KCNT2: variants seen among roughly 807,000 people sequenced by gnomAD.
The protein encoded by KCNT2 is potassium channel subfamily T member 2.
In KCNT2, 67 loss-of-function variants were observed where a neutral mutation model predicts 153.8. The observed-to-expected ratio is 0.44, with a 90% CI of 0.36 to 0.53. The LOEUF (loss-of-function observed/expected upper bound fraction) is 0.53, where lower values mean the gene tolerates loss of function less well. Ranked by LOEUF, KCNT2 falls within the 20% of genes least tolerant of loss-of-function variation. The pLI is 0.00. For synonymous variants in KCNT2, 500 were observed against 458.8 expected (o/e 1.09, Z -1.15); for missense variants, 975 against 1,354.8 (o/e 0.72, Z 4.40).
At chr1:196,449,198 T>C (rs1415348588) in intron 8 of KCNT2, among the ~76,000 whole-genome samples, 1 of 151,734 alleles carries the variant, frequency 6.6e-6, no homozygotes, top group Non-Finnish European at 1.5e-5. Context: ...AAGCAGAGAA[T>C]TGAAAGTGGT....
intron 1 of KCNT2, among the ~76,000 whole-genome samples, chr1:196,569,889 C>T (rs866402425): frequency 5.9e-5 from 9 of 151,956 alleles, no homozygotes; most frequent in South Asian, 2.1e-4. Context: ...TAAAGGCATG[C>T]TTTTGTTTTG....
intron 25 of KCNT2, among the ~76,000 whole-genome samples, chr1:196,268,306 T>C (rs1405832351): frequency 6.6e-6 from 1 of 152,178 alleles, no homozygotes; most frequent in Non-Finnish European, 1.5e-5. Context: ...CACATACATA[T>C]ACACCTACAC....
At chr1:196,306,075 T>C (rs1213493413) in intron 21 of KCNT2, among the ~76,000 whole-genome samples, 1 of 152,068 alleles carries the variant, frequency 6.6e-6, no homozygotes, top group Non-Finnish European at 1.5e-5. Flanking sequence ...ATAAATACTT[T>C]TTATTTTTGC....
chr1:196,476,001 A>G (rs1678499622), intron 5 of KCNT2, among the ~76,000 whole-genome samples: 1 of 152,204 alleles, frequency 6.6e-6, no homozygotes, highest in Non-Finnish European at 1.5e-5. Context: ...TATAAATTAT[A>G]AGCAATAATT....
At chr1:196,563,703 T>C (rs1174934523) in intron 1 of KCNT2, among the ~76,000 whole-genome samples, 5 of 151,928 alleles carry the variant, frequency 3.3e-5, no homozygotes, top group Non-Finnish European at 1.5e-5. Flanking sequence ...ACGCAACAAT[T>C]ATTCAACATA....
intron 27 of KCNT2, among the ~76,000 whole-genome samples, chr1:196,231,516 A>C (rs543319006): frequency 5.3e-5 from 8 of 152,010 alleles, no homozygotes; most frequent in African/African-American, 1.9e-4. Context: ...TGGAAGAAAA[A>C]AAAAGAAATT....
chr1:196,268,375 A>G (rs1657742250), intron 25 of KCNT2, among the ~76,000 whole-genome samples: 1 of 152,182 alleles, frequency 6.6e-6, no homozygotes, highest in Non-Finnish European at 1.5e-5. Flanking sequence ...TATATTCCAG[A>G]CATCATTGAA....
chr1:196,456,742 C>T (rs1676705690), intron 8 of KCNT2, among the ~76,000 whole-genome samples: 1 of 151,938 alleles, frequency 6.6e-6, no homozygotes, highest in Non-Finnish European at 1.5e-5. Context: ...AGATCAGGTA[C>T]TAACCAAGTT....
rs375768600 is a variant in KCNT2 at position 196,258,486 on chromosome 1, T to C, written c.2919A>G (p.Ile973Met). 1.5e-5 allele frequency: 23 copies of C among 1,554,730 alleles called. No individual in the cohort carries two copies. The African/African-American group carries it at 2.5e-4, about 17-fold the overall frequency. The stretch of plus-strand genomic sequence containing the variant: ...CTTCCCACTCTTCTACACTGATAGA[T>C]ATTTGAGACTTTAAAGGAAATAGAT... ...SQKLTTSESQ[I>M]SISVEEWEDT... Residue 973 changes from isoleucine to methionine, a missense_variant, in exon 26 of 28, where the codon ATA (isoleucine) becomes ATG (methionine). Physicochemically the swap from Ile to Met is conservative, Grantham distance 10. Around this residue, in one of 6 missense-constraint regions of KCNT2, gnomAD observed 241 missense variants for 271.1 expected, o/e 0.89. Transcript: ENST00000294725.
intron 25 of KCNT2, among the ~76,000 whole-genome samples, chr1:196,264,957 A>T (rs947382627): frequency 1.3e-5 from 2 of 152,150 alleles, no homozygotes; most frequent in African/African-American, 4.8e-5. Context: ...TCGTGATGAA[A>T]GCCAAGCCAG....
chr1:196,401,311 T>A (rs1340707715), intron 12 of KCNT2, among the ~76,000 whole-genome samples: 1 of 151,758 alleles, frequency 6.6e-6, no homozygotes, highest in Non-Finnish European at 1.5e-5. Context: ...TATTATTCAA[T>A]TTATGAATTT....
At chr1:196,305,018 A>C (rs573994009) in intron 22 of KCNT2, among the ~76,000 whole-genome samples, 1 of 152,324 alleles carries the variant, frequency 6.6e-6, no homozygotes, top group African/African-American at 2.4e-5. Flanking sequence ...ATAATAGAAC[A>C]AAATATCTCC....
chr1:196,490,691 T>A (rs1325130487), intron 2 of KCNT2, among the ~76,000 whole-genome samples: 1 of 151,792 alleles, frequency 6.6e-6, no homozygotes, highest in East Asian at 1.9e-4. Flanking sequence ...TCTTCTAAAC[T>A]GTGTGGGTCA....
At chr1:196,480,238 T>G (rs1678892726) in intron 4 of KCNT2, among the ~76,000 whole-genome samples, 1 of 152,166 alleles carries the variant, frequency 6.6e-6, no homozygotes, top group Non-Finnish European at 1.5e-5. Context: ...GTTTATAGAT[T>G]TTTGAGGTTT....
chr1:196,303,566 A>C (rs1366573976), intron 22 of KCNT2, among the ~76,000 whole-genome samples: 2 of 152,170 alleles, frequency 1.3e-5, no homozygotes, highest in African/African-American at 4.8e-5. Context: ...ATATCAACAA[A>C]TATAAAATGT....
In KCNT2 at chr1:196,360,292, G is replaced by T. The variant is rs200244081; in HGVS notation, c.1403+12848C>A. 3.4e-4 allele frequency among the ~76,000 whole-genome samples: 52 copies of T among 151,132 alleles called. 1 individual carries two copies. In the East Asian group the frequency reaches 9.3e-3, roughly 27 times the overall value. On this transcript the variant is annotated intron_variant, in intron 14 of 27. Transcript: ENST00000294725. ...TTGTAGTAGGTTTTTTTTTGTTCTT[G>T]TTTGTTTGTTGCCACAGGAGAAATG...
chr1:196,603,548 T>C (rs1664982421), intron 1 of KCNT2, among the ~76,000 whole-genome samples: 1 of 152,210 alleles, frequency 6.6e-6, no homozygotes, highest in African/African-American at 2.4e-5. Flanking sequence ...TGTGGAAATA[T>C]TTTTCTATTT....
Position 196,482,398 on chromosome 1 carries a change from T to A in KCNT2, c.276-19A>T, listed in dbSNP as rs1679086026. Reference sequence around the variant, plus strand: ...ATGAGACCTATAAAAAGAATAATAATAAGTTAGTTTTTTAAAATATGAAAA... The same window carrying A: ...ATGAGACCTATAAAAAGAATAATAAAAAGTTAGTTTTTTAAAATATGAAAA... On this transcript the variant is annotated intron_variant, in intron 3 of 27. Transcript: ENST00000294725. 1 of 1,385,986 alleles carries A rather than the reference T, an allele frequency of 7.2e-7. No individual in the cohort carries two copies. The highest frequency in any genetic ancestry group is 2.1e-4 in the Middle Eastern group (1 of 4,768). 85.9% of individuals were successfully genotyped at this position (1,385,986 alleles called of 1,614,324 possible).
In KCNT2 at chr1:196,490,490, A is replaced by C. The variant is rs984514371; in HGVS notation, c.176-553T>G. On this transcript the variant is annotated intron_variant, in intron 2 of 27. Coordinates refer to ENST00000294725, the MANE Select transcript of KCNT2 (RefSeq NM_198503.5). Reference sequence around the variant, plus strand: ...ATATATTATTTATTCATTATATAATAATATATATTATATAAGTATAGAGAA... The same window carrying C: ...ATATATTATTTATTCATTATATAATCATATATATTATATAAGTATAGAGAA... Among the ~76,000 whole-genome samples, 10 of 147,990 alleles carry C rather than the reference A, an allele frequency of 6.8e-5. No homozygotes were observed. In the Admixed American group the frequency reaches 6.8e-4, roughly 10 times the overall value.
Sources: allele counts gnomAD v4.1 joint callset (sites outside exome capture counted in the v4.1 genomes callset), GRCh38; gene constraint gnomAD v4.1.1; regional missense constraint gnomAD v4.1.1; transcripts MANE v1.5; gene names NCBI Gene and HGNC (gene_info 2026-07-23, HGNC 2026-07-21).